The following BTBD7 variants were observed in gnomAD, a reference collection of about 807,000 sequenced individuals.
BTBD7 encodes the protein BTB/POZ domain-containing protein 7.
Under a neutral mutation model 99.9 loss-of-function variants are expected in BTBD7, and 38 were observed. That is an observed-to-expected ratio of 0.38 (90% CI 0.29 to 0.50). The LOEUF is 0.50. Among genes scored for constraint, BTBD7 ranks in the 20% least tolerant of loss-of-function variants. The pLI is 0.93. For synonymous variants in BTBD7, 520 were observed against 511.4 expected, an observed-to-expected ratio of 1.02 and a Z score of -0.23; for missense variants, 1,170 against 1,394.6, an observed-to-expected ratio of 0.84 and a Z score of 2.57.
intron 10 of BTBD7, among the ~76,000 whole-genome samples, chr14:93,245,400 T>G (rs951098865): frequency 6.6e-6 from 1 of 152,228 alleles, no homozygotes; most frequent in South Asian, 2.1e-4. Context: ...GACGGTATAC[T>G]GTACTTAGCT....
rs1276979557 is a variant in BTBD7 at position 93,294,655 on chromosome 14, C to T, written c.365G>A (p.Arg122Lys). Residue 122 changes from arginine (R) to lysine (K), a missense_variant, in exon 3 of 11, where the codon AGA becomes AAA. By Grantham distance (26) the Arg-to-Lys change is conservative (BLOSUM62 2). This residue lies in a region of BTBD7 where 359 missense variants were observed against 497.9 expected (regional missense o/e 0.72). Coordinates refer to ENST00000334746, the MANE Select transcript of BTBD7 (RefSeq NM_001002860.4). ...TTTCTGCAATGTCCGGGCTTCTGGT[C>T]TAGCCAAACTGGCTTGTAGAGAAAG... ...KELSLQASLA[R>K]PEARTLQKDM... 1.9e-6 allele frequency: 3 copies of T among 1,614,034 alleles called. No individual in the cohort carries two copies. The East Asian group carries it at 6.7e-5, about 36-fold the overall frequency.
chr14:93,324,421 CAAA>C (rs768532376), intron 1 of BTBD7, among the ~76,000 whole-genome samples: 1 of 89,902 alleles, frequency 1.1e-5, no homozygotes. Context: ...GACCCTGTCT[CAAA>C]AAAAAAAAAA....
chr14:93,305,634 T>C (rs181419105), intron 1 of BTBD7, among the ~76,000 whole-genome samples: 2 of 152,362 alleles, frequency 1.3e-5, no homozygotes. Flanking sequence ...AGTTTAAGTA[T>C]GTCAGAATGA....
intron 1 of BTBD7, among the ~76,000 whole-genome samples, chr14:93,303,117 C>A (rs774003954): frequency 6.6e-6 from 1 of 152,142 alleles, no homozygotes; most frequent in Non-Finnish European, 1.5e-5. Context: ...CAAAGCAGCA[C>A]CATTATACTT....
chr14:93,285,431 A>C (rs1197718497), intron 3 of BTBD7, among the ~76,000 whole-genome samples: 1 of 152,220 alleles, frequency 6.6e-6, no homozygotes, highest in Non-Finnish European at 1.5e-5. Flanking sequence ...GTTATAAATA[A>C]ATTTCATATT....
intron 6 of BTBD7, among the ~76,000 whole-genome samples, chr14:93,255,152 C>A (rs1009986820): frequency 8.5e-5 from 13 of 152,138 alleles, no homozygotes; most frequent in South Asian, 2.1e-4. Context: ...CTTTTTCCTT[C>A]TCTTCTTTTT....
intron 1 of BTBD7, among the ~76,000 whole-genome samples, chr14:93,325,536 T>C (rs866224472): frequency 2.0e-5 from 3 of 152,186 alleles, no homozygotes; most frequent in South Asian, 2.1e-4. Context: ...GTTTAATACG[T>C]AGTCCAGACT....
intron 3 of BTBD7, among the ~76,000 whole-genome samples, chr14:93,281,450 T>C (rs1331517530): frequency 6.6e-6 from 1 of 152,214 alleles, no homozygotes; most frequent in East Asian, 1.9e-4. Flanking sequence ...AAGGTACTTT[T>C]TGTTGACAGT....
chr14:93,291,761 G>A (rs1202993310), intron 3 of BTBD7, among the ~76,000 whole-genome samples: 1 of 143,320 alleles, frequency 7.0e-6, no homozygotes, highest in Non-Finnish European at 1.5e-5. Flanking sequence ...TAAATACACT[G>A]AATAAAATAC....
intron 3 of BTBD7, among the ~76,000 whole-genome samples, chr14:93,270,013 A>G (rs928042062): frequency 6.6e-6 from 1 of 152,238 alleles, no homozygotes; most frequent in Non-Finnish European, 1.5e-5. Flanking sequence ...TCATTGTGTT[A>G]TACCACTGAG....
At chr14:93,289,902 C>T (rs2139758514) in intron 3 of BTBD7, among the ~76,000 whole-genome samples, 1 of 137,500 alleles carries the variant, frequency 7.3e-6, no homozygotes, top group Non-Finnish European at 1.5e-5. Context: ...GTTGCCCAGG[C>T]TTGGAGTGCA....
intron 1 of BTBD7, among the ~76,000 whole-genome samples, chr14:93,300,779 TATATATA>T (rs753642307): frequency 9.6e-5 from 10 of 104,630 alleles, no homozygotes; most frequent in Admixed American, 1.9e-4. Context: ...TGTGTATATA[TATATATA>T]TTTTTTTTTT....
intron 1 of BTBD7, among the ~76,000 whole-genome samples, chr14:93,310,304 A>G (rs1246856028): frequency 6.6e-6 from 1 of 152,224 alleles, no homozygotes; most frequent in African/African-American, 2.4e-5. Flanking sequence ...GGCAGTGTTA[A>G]CATTTCTCAA....
chr14:93,325,788 A>C lies in BTBD7; in HGVS notation c.-107+7032T>G, dbSNP rs1270370964. 3.9e-5 allele frequency among the ~76,000 whole-genome samples: 6 copies of C among 152,174 alleles called. 1 individual carries two copies. The highest frequency in any genetic ancestry group is 8.8e-5 in the Non-Finnish European group (6 of 68,034). Reference sequence around the variant, plus strand: ...AAACCCCAACGATGCTCTAAAAGGGAACTATTTTGAATCCTGTAACTTAAA... The same window carrying C: ...AAACCCCAACGATGCTCTAAAAGGGCACTATTTTGAATCCTGTAACTTAAA... On this transcript the variant is annotated intron_variant, in intron 1 of 10. Transcript: ENST00000334746.
chr14:93,290,314 GC>G (rs2052833924), intron 3 of BTBD7, among the ~76,000 whole-genome samples: 1 of 150,148 alleles, frequency 6.7e-6, no homozygotes, highest in Non-Finnish European at 1.5e-5. Context: ...CTGGGTTCAC[GC>G]CATTCTCCTG....
intron 3 of BTBD7, among the ~76,000 whole-genome samples, chr14:93,272,196 C>T (rs534805073): frequency 3.3e-5 from 5 of 152,166 alleles, no homozygotes; most frequent in Admixed American, 6.5e-5. Flanking sequence ...GCAGGAGAAT[C>T]GCTTGAACCC....
At chr14:93,308,925 T>C (rs2139799991) in intron 1 of BTBD7, among the ~76,000 whole-genome samples, 1 of 152,286 alleles carries the variant, frequency 6.6e-6, no homozygotes, top group Admixed American at 6.5e-5. Context: ...TGCACAACAA[T>C]GTGAATGTAC....
chr14:93,263,790 G>C lies in BTBD7; in HGVS notation c.1366C>G (p.Leu456Val), dbSNP rs761938227. Residue 456 changes from leucine (L) to valine (V), a missense_variant, in exon 4 of 11, where the codon CTA (leucine) becomes GTA (valine). By Grantham distance (32) the Leu-to-Val change is conservative. Around this residue, in one of 4 missense-constraint regions of BTBD7, gnomAD observed 309 missense variants for 342.0 expected, o/e 0.90. Transcript: ENST00000334746. ...AGAGGTGTTTAAATGATTACCTGTAGGTAGTCAGACTGGATAGCAGTAAGC... is the reference window on the plus strand; with the variant it reads ...AGAGGTGTTTAAATGATTACCTGTACGTAGTCAGACTGGATAGCAGTAAGC... ...HLLTAIQSDY[L>V]QASEQDILKY... 1 of 1,613,300 alleles carries C rather than the reference G, an allele frequency of 6.2e-7. No homozygotes were observed.
At chr14:93,255,560 G>A (rs2052420391) in intron 6 of BTBD7, 1 of 150,944 alleles carries the variant, frequency 6.6e-6, no homozygotes, top group Non-Finnish European at 1.5e-5. Flanking sequence ...CAAGGCTGGA[G>A]TGCAGTGACA....
Sources: gnomAD v4.1 joint callset for allele counts (sites outside exome capture counted in the v4.1 genomes callset) on GRCh38, gnomAD v4.1.1 for gene constraint, gnomAD v4.1.1 regional missense constraint, MANE v1.5 for transcripts, NCBI Gene and HGNC (gene_info 2026-07-23, HGNC 2026-07-21) for gene names.